ZNF316: variants seen among roughly 807,000 people sequenced by gnomAD.
The protein encoded by ZNF316 is zinc finger protein 316.
ZNF316 carries 23 observed loss-of-function variants against 75.6 expected under a neutral mutation model. That is an observed-to-expected ratio of 0.30 (90% CI 0.22 to 0.43). ZNF316 has a LOEUF of 0.43. Among genes scored for constraint, ZNF316 ranks in the 20% least tolerant of loss-of-function variants. The pLI, the probability that ZNF316 is intolerant of heterozygous loss-of-function variation, is 1.00. For missense variants in ZNF316, 1,266 were observed against 1,409.4 expected, an observed-to-expected ratio of 0.90 and a Z score of 1.63; for synonymous variants, 827 against 666.2, an observed-to-expected ratio of 1.24 and a Z score of -3.72.
chr7:6,643,649 G>A (rs1363647957), intron 6 of ZNF316, among the ~76,000 whole-genome samples, 173 bp from the exon 7 acceptor site: 1 of 152,296 alleles, frequency 6.6e-6, no homozygotes, highest in Non-Finnish European at 1.5e-5. Context: ...CCATTCTCTG[G>A]CTGGGATCTG....
intron 2 of ZNF316, among the ~76,000 whole-genome samples, chr7:6,638,758 T>G (rs1779263149): frequency 6.6e-6 from 1 of 152,046 alleles, no homozygotes; most frequent in African/African-American, 2.4e-5. Flanking sequence ...GGGATGACGT[T>G]GGTGAAGCTC....
Position 6,642,076 on chromosome 7 carries a change from T to G in ZNF316, c.-29+114T>G. ...GATAAAGACTGGGATAAATGCCTGATTTACTCCAGGAAAGAGCAGCAGTTC... is the reference window on the plus strand; with the variant it reads ...GATAAAGACTGGGATAAATGCCTGAGTTACTCCAGGAAAGAGCAGCAGTTC... On this transcript the variant is annotated intron_variant, in intron 4 of 8. Transcript: ENST00000382252. This position sits in a 1 kb window ranked among gnomAD's most constrained non-coding sequence, Gnocchi z 8.1. 4.1e-6 allele frequency: 1 copy of G among 243,440 alleles called. No homozygotes were observed. The allele number at this position is 243,440 out of a possible 1,614,324, so 15.1% of individuals were successfully genotyped here.
At chr7:6,647,562 A>T (rs116624371) in intron 8 of ZNF316, among the ~76,000 whole-genome samples, 2 of 152,132 alleles carry the variant, frequency 1.3e-5, no homozygotes, top group African/African-American at 4.8e-5. Context: ...TGTTGGCTTC[A>T]CTCGGAACTG....
At chr7:6,652,132 C>G (rs1219029354) in intron 8 of ZNF316, among the ~76,000 whole-genome samples, 171 bp from the exon 9 acceptor site, 1 of 152,162 alleles carries the variant, frequency 6.6e-6, no homozygotes, top group Non-Finnish European at 1.5e-5. Context: ...TCAGGACTGG[C>G]AGTGGGACAT....
At chr7:6,647,039 C>A (rs1779417547) in intron 8 of ZNF316, among the ~76,000 whole-genome samples, 1 of 152,212 alleles carries the variant, frequency 6.6e-6, no homozygotes, top group African/African-American at 2.4e-5. Flanking sequence ...ACCCTGTTTT[C>A]TGCCGGCTCT....
rs887784669 is a variant in ZNF316 at position 6,653,308 on chromosome 7, A to G, written c.1712A>G (p.Asp571Gly). 5.0e-5 allele frequency: 61 copies of G among 1,226,554 alleles called. No homozygotes were observed. Among genetic ancestry groups the G allele is most frequent in the Non-Finnish European group, 5.5e-5 (54 of 985,412 alleles). 76.0% of individuals were successfully genotyped at this position (1,226,554 alleles called of 1,614,324 possible). A position where few individuals can be genotyped will look rare whatever the true frequency, so the allele number is the denominator to read the frequency against. Residue 571 changes from aspartate to glycine, a missense_variant, in exon 9 of 9, where the codon GAC becomes GGC. Around this residue, in one of 3 missense-constraint regions of ZNF316, gnomAD observed 961 missense variants for 990.9 expected, o/e 0.97. Transcript: ENST00000382252. The part of the protein sequence containing the change: ...VAAPTPSGKV[D>G]PAPERRFLEL... ...GCGCCCACCCCCAGCGGCAAGGTGG[A>G]CCCCGCGCCGGAACGGCGCTTCCTG...
Position 6,640,163 on chromosome 7 carries a change from A to G in ZNF316, c.-167+1022A>G, listed in dbSNP as rs1015339829. Among the ~76,000 whole-genome samples, 5 of 152,214 alleles carry G rather than the reference A, an allele frequency of 3.3e-5. No homozygotes were observed. Among genetic ancestry groups the G allele is most frequent in the African/African-American group, 9.7e-5 (4 of 41,432 alleles). Reference sequence around the variant, plus strand: ...CTATTAAAGTGTGGATTTTAAAGCAACTGCTCAAAGCAGTTCAGGAAATGA... The same window carrying G: ...CTATTAAAGTGTGGATTTTAAAGCAGCTGCTCAAAGCAGTTCAGGAAATGA... On this transcript the variant is annotated intron_variant, in intron 3 of 8. Coordinates refer to ENST00000382252, the MANE Select transcript of ZNF316 (RefSeq NM_001278559.2). The surrounding 1 kb of genome is among the most constrained non-coding windows in gnomAD (Gnocchi z 5.1).
intron 6 of ZNF316, 100 bp from the exon 7 acceptor site, chr7:6,643,721 GT>G: frequency 9.0e-7 from 1 of 1,105,680 alleles, no homozygotes; most frequent in Admixed American, 4.3e-5. Context: ...GGGCATCTGT[GT>G]CCCCTGACAC....
In ZNF316 at chr7:6,642,461, G is replaced by A. The variant is rs1779327451; in HGVS notation, c.52G>A (p.Ala18Thr). The change falls in exon 5 of 9, where the codon GCA becomes ACA. Residue 18 changes from alanine (A) to threonine (T), a missense_variant. Physicochemically the swap from Ala to Thr is moderately conservative, Grantham distance 58. Transcript: ENST00000382252. The surrounding 1 kb of genome is among the most constrained non-coding windows in gnomAD (Gnocchi z 8.1). ...PDSPAAQLER[A>T]EDGSECDPDQ... ...CTCCCCAGCTGCCCAGCTGGAGCGG[G>A]CAGAGGACGGGTCAGAGTGCGACCC... is the stretch of plus-strand genomic sequence containing the variant. The A allele has an allele frequency of 8.1e-7, 1 of 1,232,694 alleles. No homozygotes were observed. Among genetic ancestry groups the A allele is most frequent in the Non-Finnish European group, 1.0e-6 (1 of 988,204 alleles). The allele number at this position is 1,232,694 out of a possible 1,614,324, so 76.4% of individuals were successfully genotyped here.
chr7:6,650,233 TG>T (rs1779483681), intron 8 of ZNF316, among the ~76,000 whole-genome samples: 3 of 152,090 alleles, frequency 2.0e-5, no homozygotes, highest in Non-Finnish European at 2.9e-5. Flanking sequence ...TTCCCAGACC[TG>T]GGGAGTGTGG....
intron 8 of ZNF316, 58 bp from the exon 9 acceptor site, chr7:6,652,245 A>G (rs530245249): frequency 8.1e-7 from 1 of 1,229,444 alleles, no homozygotes; most frequent in South Asian, 4.1e-5. Context: ...GGAACCTGCC[A>G]GAGGCTCCTG....
chr7:6,647,163 G>A (rs933324145), intron 8 of ZNF316, among the ~76,000 whole-genome samples: 5 of 151,816 alleles, frequency 3.3e-5, no homozygotes, highest in African/African-American at 9.7e-5. Flanking sequence ...TCCACCCTCC[G>A]AGATGGACCC....
chr7:6,654,790 G>A lies in ZNF316; in HGVS notation c.*179G>A. 4.4e-6 allele frequency: 2 copies of A among 453,576 alleles called. No individual in the cohort carries two copies. The highest frequency in any genetic ancestry group is 6.6e-6 in the Non-Finnish European group (2 of 304,316). 28.1% of individuals were successfully genotyped at this position (453,576 alleles called of 1,614,324 possible). On this transcript the variant is annotated 3_prime_UTR_variant, in exon 9 of 9. Transcript: ENST00000382252. ...GCCCGCCGGGTCCGTGTGCTCAGCC[G>A]GAGACGTGGGGGAGCTCTGGGGAGA...
At position 6,657,831 on chromosome 7, in the gene ZNF316, CAAAAAA is replaced by C. The variant is rs747347808; in HGVS notation, c.*3241_*3246del. On this transcript the variant is annotated 3_prime_UTR_variant, in exon 9 of 9. Coordinates refer to ENST00000382252, the MANE Select transcript of ZNF316 (RefSeq NM_001278559.2). ...GTGACAGAACAAGACCCTATCTCACCAAAAAAAAAAAAAAAAAAAAAAAAAAGGTTC... is the reference window on the plus strand; with the variant it reads ...GTGACAGAACAAGACCCTATCTCACCAAAAAAAAAAAAAAAAAAAAGGTTC... Among the ~76,000 whole-genome samples the C allele has an allele frequency of 3.6e-5, 1 of 27,724 alleles. No homozygotes were observed. Among genetic ancestry groups the C allele is most frequent in the East Asian group, 1.1e-3 (1 of 952 alleles). 18.2% of individuals were successfully genotyped at this position (27,724 alleles called of 152,430 possible).
At position 6,655,470 on chromosome 7, in the gene ZNF316, C is replaced by G. The variant is rs1487484078; in HGVS notation, c.*859C>G. Reference sequence around the variant, plus strand: ...TTTCGTCTCCCTCAGCCGGAGGTGGCAAACTCAGACATCTACGGGCGCCCG... The same window carrying G: ...TTTCGTCTCCCTCAGCCGGAGGTGGGAAACTCAGACATCTACGGGCGCCCG... On this transcript the variant is annotated 3_prime_UTR_variant, in exon 9 of 9. Coordinates refer to ENST00000382252, the MANE Select transcript of ZNF316 (RefSeq NM_001278559.2). 1 of 152,216 alleles carries G rather than the reference C, an allele frequency of 6.6e-6. No homozygotes were observed. Among genetic ancestry groups the G allele is most frequent in the Non-Finnish European group, 1.5e-5 (1 of 68,100 alleles). 9.4% of individuals were successfully genotyped at this position (152,216 alleles called of 1,614,324 possible). A position where few individuals can be genotyped will look rare whatever the true frequency, so the allele number is the denominator to read the frequency against.
chr7:6,647,795 C>T (rs540034973), intron 8 of ZNF316, among the ~76,000 whole-genome samples: 9 of 152,298 alleles, frequency 5.9e-5, no homozygotes, highest in East Asian at 1.9e-4. Context: ...TGGGCTACAC[C>T]GAGCAGCATC....
At chr7:6,647,714 C>T (rs556589723) in intron 8 of ZNF316, among the ~76,000 whole-genome samples, 11 of 152,334 alleles carry the variant, frequency 7.2e-5, no homozygotes, top group South Asian at 6.2e-4. Flanking sequence ...TTCCAGACTC[C>T]GAGATGGGCA....
Position 6,642,173 on chromosome 7 carries a change from G to C in ZNF316, c.-28-209G>C, listed in dbSNP as rs1338396970. ...CCAGGGGTCACGCGGAGGGGCCATT[G>C]GGGCAGCCTTTCTGGGTACAGAATG... On this transcript the variant is annotated intron_variant, in intron 4 of 8. Transcript: ENST00000382252. The surrounding 1 kb of genome is among the most constrained non-coding windows in gnomAD (Gnocchi z 8.1). 1.0e-5 allele frequency: 4 copies of C among 384,760 alleles called. No individual in the cohort carries two copies. Among genetic ancestry groups the C allele is most frequent in the Non-Finnish European group, 1.8e-5 (4 of 217,668 alleles). 23.8% of individuals were successfully genotyped at this position (384,760 alleles called of 1,614,324 possible). A position where few individuals can be genotyped will look rare whatever the true frequency, so the allele number is the denominator to read the frequency against.
chr7:6,648,602 A>G lies in ZNF316; in HGVS notation c.707-3701A>G, dbSNP rs546487642. ...GGATTGCAGGTGCTGTTATCAACCC[A>G]TTTTACAGATGGGAAAACTCAGATT... On this transcript the variant is annotated intron_variant, in intron 8 of 8. Coordinates refer to ENST00000382252, the MANE Select transcript of ZNF316 (RefSeq NM_001278559.2). 2.0e-5 allele frequency among the ~76,000 whole-genome samples: 3 copies of G among 152,256 alleles called. No homozygotes were observed. The South Asian group carries it at 6.2e-4, about 32-fold the overall frequency.
Sources: gnomAD v4.1 joint callset for allele counts (sites outside exome capture counted in the v4.1 genomes callset) on GRCh38, gnomAD v4.1.1 for gene constraint, gnomAD v4.1.1 regional missense constraint, Gnocchi (gnomAD v3.1) non-coding constraint, MANE v1.5 for transcripts, NCBI Gene and HGNC (gene_info 2026-07-23, HGNC 2026-07-21) for gene names.